THADA: variants seen among roughly 807,000 people sequenced by gnomAD.
The protein encoded by THADA is tRNA (32-2'-O)-methyltransferase regulator THADA.
Under a neutral mutation model 219.8 loss-of-function variants are expected in THADA, and 213 were observed. The observed-to-expected ratio is 0.97, with a 90% CI of 0.87 to 1.09. The LOEUF is 1.09. Among genes scored for constraint, THADA ranks in the 50% least tolerant of loss-of-function variants. The pLI, the probability that THADA is intolerant of heterozygous loss-of-function variation, is 0.00. For synonymous variants in THADA, 1,018 were observed against 828.9 expected (o/e 1.23, Z -3.92); for missense variants, 2,956 against 2,311.3 (o/e 1.28, Z -5.72).
intron 29 of THADA, among the ~76,000 whole-genome samples, chr2:43,390,415 G>C (rs1454289405): frequency 6.6e-6 from 1 of 152,170 alleles, no homozygotes. Flanking sequence ...AGCCAGCACA[G>C]TTTCAGAAGA....
intron 17 of THADA, 76 bp from the exon 18 acceptor site, chr2:43,552,415 C>T: frequency 1.4e-6 from 2 of 1,447,262 alleles, no homozygotes; most frequent in Non-Finnish European, 1.9e-6. Flanking sequence ...CAAAATAGTT[C>T]CCATTAATAT....
At chr2:43,579,667 A>C (rs1286486472) in intron 8 of THADA, among the ~76,000 whole-genome samples, 1 of 152,180 alleles carries the variant, frequency 6.6e-6, no homozygotes, top group African/African-American at 2.4e-5. Flanking sequence ...GGCCAGTTGG[A>C]TTTAAGCCAG....
intron 23 of THADA, among the ~76,000 whole-genome samples, chr2:43,506,410 C>G (rs778423056): frequency 6.6e-6 from 1 of 152,150 alleles, no homozygotes; most frequent in Non-Finnish European, 1.5e-5. Context: ...GAATGAGGTA[C>G]TAATATATAT....
At chr2:43,348,606 A>AGTGCATGTGG (rs1558620431) in intron 29 of THADA, among the ~76,000 whole-genome samples, 1 of 152,158 alleles carries the variant, frequency 6.6e-6, no homozygotes, top group African/African-American at 2.4e-5. Flanking sequence ...GAAGGAGAGG[A>AGTGCATGTGG]AAGGATACAT....
intron 34 of THADA, among the ~76,000 whole-genome samples, chr2:43,291,482 A>AAAAAAAAAAAAAAAAAAT (rs1674711254): frequency 1.4e-5 from 2 of 142,204 alleles, no homozygotes. Context: ...AAAAAAAAAA[A>AAAAAAAAAAAAAAAAAAT]TCCTAAAACA....
intron 26 of THADA, among the ~76,000 whole-genome samples, chr2:43,455,475 CTT>C (rs756360003): frequency 1.1e-4 from 17 of 151,884 alleles, no homozygotes; most frequent in African/African-American, 1.7e-4. Context: ...TACAAACACA[CTT>C]TCTCTCTTGC....
intron 17 of THADA, among the ~76,000 whole-genome samples, chr2:43,555,131 T>TA (rs1018521047): frequency 6.6e-6 from 1 of 152,062 alleles, no homozygotes; most frequent in African/African-American, 2.4e-5. Context: ...AACGGATTCA[T>TA]AAATTGTGGT....
chr2:43,391,850 G>A (rs1355341986), intron 29 of THADA: 1 of 152,104 alleles, frequency 6.6e-6, no homozygotes, highest in Non-Finnish European at 1.5e-5. Flanking sequence ...TCTTGGACTA[G>A]GGACCTTTCT....
chr2:43,464,791 A>G (rs1684041127), intron 26 of THADA, among the ~76,000 whole-genome samples: 1 of 152,050 alleles, frequency 6.6e-6, no homozygotes, highest in Non-Finnish European at 1.5e-5. Flanking sequence ...CTCCTCCACT[A>G]TCCACTCCTC....
chr2:43,496,944 C>T (rs1238668457), intron 25 of THADA, among the ~76,000 whole-genome samples: 1 of 152,174 alleles, frequency 6.6e-6, no homozygotes, highest in Non-Finnish European at 1.5e-5. Context: ...GGTAGTTCAA[C>T]ATCACTGATG....
intron 34 of THADA, among the ~76,000 whole-genome samples, chr2:43,288,657 C>T (rs911686096): frequency 6.6e-6 from 1 of 152,182 alleles, no homozygotes; most frequent in Non-Finnish European, 1.5e-5. Flanking sequence ...GTTCACCACC[C>T]AGAAGCTCTC....
intron 30 of THADA, among the ~76,000 whole-genome samples, chr2:43,338,589 T>C (rs1666746672): frequency 6.6e-6 from 1 of 152,230 alleles, no homozygotes. Flanking sequence ...CTATGTACTT[T>C]GTATTAGCAG....
intron 26 of THADA, among the ~76,000 whole-genome samples, chr2:43,471,666 TAGAC>T (rs1487015790): frequency 4.6e-5 from 7 of 152,218 alleles, no homozygotes; most frequent in African/African-American, 1.4e-4. Flanking sequence ...ATATACATCA[TAGAC>T]AGAACATGTA....
Position 43,590,831 on chromosome 2 carries a change from A to C in THADA, c.295T>G (p.Leu99Val), listed in dbSNP as rs1423171829. The change falls in exon 4 of 38, where the codon TTG (leucine) becomes GTG (valine). Residue 99 changes from leucine to valine, a missense_variant. Physicochemically the swap from Leu to Val is conservative, Grantham distance 32 (BLOSUM62 1). Coordinates refer to ENST00000405975, the MANE Select transcript of THADA (RefSeq NM_022065.5). ...CCTTCCTTTTTTTCTTACCTTGCCA[A>C]TACTTTCTTCAAGGGATTCTTTAGA... is the stretch of plus-strand genomic sequence containing the variant. Reference protein sequence around the residue: ...LSLKNPLKKVLASSLNSLPDF... With the variant: ...LSLKNPLKKVVASSLNSLPDF... 2.5e-6 allele frequency: 4 copies of C among 1,612,798 alleles called. No homozygotes were observed. Among genetic ancestry groups the C allele is most frequent in the Non-Finnish European group, 3.4e-6 (4 of 1,179,522 alleles).
At chr2:43,442,770 CAACTA>C (rs1681011811) in intron 26 of THADA, among the ~76,000 whole-genome samples, 1 of 152,136 alleles carries the variant, frequency 6.6e-6, no homozygotes, top group Non-Finnish European at 1.5e-5. Flanking sequence ...CTTATCACCT[CAACTA>C]GAGCACAGAT....
At chr2:43,444,020 C>T (rs866899094) in intron 26 of THADA, among the ~76,000 whole-genome samples, 1 of 152,202 alleles carries the variant, frequency 6.6e-6, no homozygotes, top group South Asian at 2.1e-4. Flanking sequence ...AAAGAAAACA[C>T]CTGCCAGGCA....
intron 25 of THADA, among the ~76,000 whole-genome samples, chr2:43,489,305 C>A (rs1004820979): frequency 6.6e-6 from 1 of 152,100 alleles, no homozygotes; most frequent in African/African-American, 2.4e-5. Context: ...TGCAGCCTTC[C>A]GAGTAGCTGG....
intron 15 of THADA, among the ~76,000 whole-genome samples, chr2:43,561,329 T>C (rs1320728704): frequency 2.0e-5 from 3 of 152,202 alleles, no homozygotes; most frequent in Non-Finnish European, 4.4e-5. Context: ...AGAAACATTT[T>C]ATAATATGCA....
chr2:43,585,788 G>GGATA, intron 7 of THADA, among the ~76,000 whole-genome samples: 1 of 151,910 alleles, frequency 6.6e-6, no homozygotes, highest in South Asian at 2.1e-4. Flanking sequence ...AAAACAGGAT[G>GGATA]CTATGAAAAA....
Sources: gnomAD v4.1 joint callset for allele counts (sites outside exome capture counted in the v4.1 genomes callset) on GRCh38, gnomAD v4.1.1 for gene constraint, MANE v1.5 for transcripts, NCBI Gene and HGNC (gene_info 2026-07-23, HGNC 2026-07-21) for gene names.